Variants in CA11 observed in about 807,000 individuals in gnomAD.
The protein encoded by CA11 is carbonic anhydrase 11 (inactive).
CA11 carries 20 observed loss-of-function variants against 39.3 expected under a neutral mutation model. The ratio of observed to expected loss-of-function variants is 0.51; its 90% CI spans 0.36 to 0.74. The LOEUF (loss-of-function observed/expected upper bound fraction) is 0.74, where lower values mean the gene tolerates loss of function less well. CA11 is among the 30% of genes least tolerant of loss of function. The pLI is 0.00. For missense variants in CA11, 336 were observed against 424.6 expected (o/e 0.79, Z 1.83); for synonymous variants, 166 against 172.5 (o/e 0.96, Z 0.29).
intron 3 of CA11, 24 bp downstream of exon 3, chr19:48,644,403 A>T (rs375037706): frequency 1.1e-4 from 167 of 1,544,770 alleles, no homozygotes; most frequent in Non-Finnish European, 1.3e-4. Flanking sequence ...TGGGTTCAAT[A>T]GCTCCTCCCT....
In CA11 at chr19:48,644,571, TG is replaced by T. The variant is rs35082547; in HGVS notation, c.143-3del. ...TCACCAGGCCCCAGAAAGGAGGCCCTGGGGGTGGGGTCGGAGTAGGAGGACA... is the reference window on the plus strand; with the variant it reads ...TCACCAGGCCCCAGAAAGGAGGCCCTGGGGTGGGGTCGGAGTAGGAGGACA... On this transcript the variant is annotated splice_region_variant and splice_polypyrimidine_tract_variant and intron_variant, in intron 2 of 8. Transcript: ENST00000084798. 1.3e-6 allele frequency: 2 copies of T among 1,580,884 alleles called. No homozygotes were observed. Among genetic ancestry groups the T allele is most frequent in the South Asian group, 1.1e-5 (1 of 87,586 alleles).
intron 3 of CA11, among the ~76,000 whole-genome samples, chr19:48,641,818 A>ATTT (rs1299945502): frequency 9.2e-6 from 1 of 108,442 alleles, no homozygotes; most frequent in Non-Finnish European, 1.9e-5. Flanking sequence ...CTAATTTTCA[A>ATTT]TTTTCTTTTT....
chr19:48,640,367 C>CTTTTT (rs11372081), intron 3 of CA11, 87 bp from the exon 4 acceptor site: 30 of 324,766 alleles, frequency 9.2e-5, no homozygotes, highest in East Asian at 5.7e-4. Context: ...TTCCAACAGT[C>CTTTTT]TTTTTTTTTT....
chr19:48,638,381 G>GGC, intron 8 of CA11: 1 of 348,512 alleles, frequency 2.9e-6, no homozygotes, highest in Non-Finnish European at 3.9e-6. Flanking sequence ...TCATGGGGGG[G>GGC]GGGGGGTGTG....
At position 48,639,068 on chromosome 19, in the gene CA11, G is replaced by A. The variant is rs1304551559; in HGVS notation, c.796-15C>T. 34 of 1,613,670 alleles carry A rather than the reference G, an allele frequency of 2.1e-5. 1 individual carries two copies. Among genetic ancestry groups the A allele is most frequent in the Non-Finnish European group, 2.8e-5 (33 of 1,179,830 alleles). On this transcript the variant is annotated splice_polypyrimidine_tract_variant and intron_variant, in intron 7 of 8. Coordinates refer to ENST00000084798, the MANE Select transcript of CA11 (RefSeq NM_001217.5). ...AGGGAGTGCATCTGCAGTGGAAGGA[G>A]GGTGGGAAACTGGGAGTGAATAGTG...
chr19:48,640,225 C>T lies in CA11; in HGVS notation c.341G>A (p.Arg114Gln). 6.2e-7 allele frequency: 1 copy of T among 1,613,968 alleles called. No individual in the cohort carries two copies. The highest frequency in any genetic ancestry group is 8.5e-7 in the Non-Finnish European group (1 of 1,179,984). ...GRHVSFLPAPRPVVNVSGGPL... is the reference protein window; with the variant it reads ...GRHVSFLPAPQPVVNVSGGPL... Reference sequence around the variant, plus strand: ...ACCTCCAGACACATTGACCACAGGTCGGGGTGCAGGCAGGAAGGAGACATG... The same window carrying T: ...ACCTCCAGACACATTGACCACAGGTTGGGGTGCAGGCAGGAAGGAGACATG... Residue 114 changes from arginine (R) to glutamine (Q), a missense_variant, in exon 4 of 9, where the codon CGA becomes CAA. Transcript: ENST00000084798.
At chr19:48,638,833 GAC>G in intron 8 of CA11, 53 bp downstream of exon 8, 5 of 1,477,546 alleles carry the variant, frequency 3.4e-6, no homozygotes, top group Non-Finnish European at 4.5e-6. Context: ...ACCAAGGGGA[GAC>G]ACATATAAGA....
intron 3 of CA11, 64 bp from the exon 4 acceptor site, chr19:48,640,344 C>T (rs2031030617): frequency 9.0e-7 from 1 of 1,107,520 alleles, no homozygotes; most frequent in Non-Finnish European, 1.3e-6. Flanking sequence ...TTTCCCACGC[C>T]TACATTTTCT....
At chr19:48,638,847 G>C in intron 8 of CA11, 41 bp downstream of exon 8, 1 of 1,514,598 alleles carries the variant, frequency 6.6e-7, no homozygotes, top group Non-Finnish European at 8.8e-7. Context: ...CATATAAGAG[G>C]GTTAGCCCAA....
chr19:48,638,788 G>A (rs2030945976), intron 8 of CA11, 100 bp downstream of exon 8: 1 of 1,256,156 alleles, frequency 8.0e-7, no homozygotes, highest in Non-Finnish European at 1.1e-6. Flanking sequence ...CCATATAGAC[G>A]CAGGAAGGAG....
chr19:48,644,903 C>G (rs892696783), intron 2 of CA11, among the ~76,000 whole-genome samples: 2 of 152,110 alleles, frequency 1.3e-5, no homozygotes, highest in African/African-American at 4.8e-5. Context: ...CCGATCAAAC[C>G]CATCTTAAGC....
intron 2 of CA11, 46 bp downstream of exon 2, chr19:48,645,357 G>A (rs998522989): frequency 2.0e-6 from 3 of 1,523,482 alleles, no homozygotes; most frequent in Non-Finnish European, 2.7e-6. Flanking sequence ...TCTGAAGAAG[G>A]AGGCGCCGGG....
Position 48,640,125 on chromosome 19 carries a change from A to C in CA11, c.441T>G (p.His147Gln), listed in dbSNP as rs2031021770. The C allele has an allele frequency of 1.2e-6, 2 of 1,613,706 alleles. No homozygotes were observed. Among genetic ancestry groups the C allele is most frequent in the Admixed American group, 1.7e-5 (1 of 59,946 alleles). The change falls in exon 4 of 9, where the codon CAT becomes CAG. Residue 147 changes from histidine to glutamine, a missense_variant. Coordinates refer to ENST00000084798, the MANE Select transcript of CA11 (RefSeq NM_001217.5). ...CAGAGAAGCCCTGGTGGTTGATCTG[A>C]TGTTCCGAGCCGGCTCCGTCGCGAG... Reference protein sequence around the residue: ...FGARDGAGSEHQINHQGFSAE... With the variant: ...FGARDGAGSEQQINHQGFSAE...
At chr19:48,638,278 G>A (rs752642275) in intron 8 of CA11, 134 bp from the exon 9 acceptor site, 8 of 1,208,406 alleles carry the variant, frequency 6.6e-6, no homozygotes, top group Non-Finnish European at 8.3e-6. Context: ...AATGTACTAG[G>A]TCGAGAAGCA....
In CA11 at chr19:48,643,178, GCT is replaced by G. The variant is rs555919035; in HGVS notation, c.285+1247_285+1248del. On this transcript the variant is annotated intron_variant, in intron 3 of 8. Transcript: ENST00000084798. The surrounding 1 kb of genome is among the most constrained non-coding windows in gnomAD (Gnocchi z 4.3). ...TTCTCTCTTTCTCTCTTTCTTTCTC[GCT>G]CTCTCTCTTTCTTTTCTCTCCCTCT... 1.6e-4 allele frequency among the ~76,000 whole-genome samples: 24 copies of G among 146,798 alleles called. No homozygotes were observed. The highest frequency in any genetic ancestry group is 3.3e-4 in the Non-Finnish European group (22 of 66,786).
At chr19:48,641,336 T>A (rs1210644036) in intron 3 of CA11, among the ~76,000 whole-genome samples, 1 of 152,250 alleles carries the variant, frequency 6.6e-6, no homozygotes, top group East Asian at 1.9e-4. Flanking sequence ...TTCCAGGCTC[T>A]GTGCCAGTTT....
In CA11 at chr19:48,639,607, A is replaced by C; in HGVS notation, c.582T>G (p.Ser194=). The C allele has an allele frequency of 6.2e-7, 1 of 1,613,968 alleles. No homozygotes were observed. Among genetic ancestry groups the C allele is most frequent in the Non-Finnish European group, 8.5e-7 (1 of 1,179,956 alleles). Residue 194 remains serine, a synonymous_variant, in exon 6 of 9, where the codon TCT becomes TCG. Transcript: ENST00000084798. ...TAAGGAGGCGACTGAGGAATGGGTT[A>C]GAGGTACTGGCAACCTGTGTGGGGG... ...LSLFVNVAST[S]NPFLSRLLNR... is the part of the protein sequence containing the mutation.
chr19:48,645,603 AG>A lies in CA11; in HGVS notation c.29del (p.Pro10LeufsTer46). The A allele has an allele frequency of 6.2e-7, 1 of 1,601,852 alleles. No individual in the cohort carries two copies. The highest frequency in any genetic ancestry group is 8.5e-7 in the Non-Finnish European group (1 of 1,174,692). Reference protein sequence around the residue: MGAAARLSAPRALVLWAALG... With the variant: MGAAARLSAXRALVLWAALG... ...GTGCAGCCCAGAGTACCAGCGCTCG[AG>A]GGGCGCTCAGACGAGCTGCAGCCCC... On this transcript the variant is annotated frameshift_variant, in exon 1 of 9. Coordinates refer to ENST00000084798, the MANE Select transcript of CA11 (RefSeq NM_001217.5). LOFTEE classifies it high-confidence loss of function.
intron 2 of CA11, among the ~76,000 whole-genome samples, chr19:48,645,129 G>A (rs975219018): frequency 6.6e-6 from 1 of 152,152 alleles, no homozygotes; most frequent in African/African-American, 2.4e-5. Flanking sequence ...GTTCCTAGCA[G>A]GAGCCAGGAC....
Sources: gnomAD v4.1 joint callset for allele counts (sites outside exome capture counted in the v4.1 genomes callset) on GRCh38, gnomAD v4.1.1 for gene constraint, Gnocchi (gnomAD v3.1) non-coding constraint, MANE v1.5 for transcripts, NCBI Gene and HGNC (gene_info 2026-07-23, HGNC 2026-07-21) for gene names.